The following TMEM163 variants were observed in gnomAD, a reference collection of about 807,000 sequenced individuals.
The protein encoded by TMEM163 is transmembrane protein 163.
A neutral mutation model predicts 29.3 loss-of-function variants in TMEM163; 17 were observed. That is an observed-to-expected ratio of 0.58 (90% CI 0.40 to 0.87). The LOEUF (loss-of-function observed/expected upper bound fraction) is 0.87, where lower values mean the gene tolerates loss of function less well. Ranked by LOEUF, TMEM163 falls within the 40% of genes least tolerant of loss-of-function variation. The pLI is 0.00. For synonymous variants in TMEM163, 157 were observed against 160.6 expected (o/e 0.98, Z 0.17); for missense variants, 303 against 381.5 (o/e 0.79, Z 1.71).
chr2:134,610,465 G>T (rs955728049), intron 2 of TMEM163, among the ~76,000 whole-genome samples: 1 of 152,174 alleles, frequency 6.6e-6, no homozygotes, highest in African/African-American at 2.4e-5. Flanking sequence ...TAGTGGTCTG[G>T]GGGGAGGTCT....
chr2:134,581,159 T>C (rs1247793234), intron 2 of TMEM163, among the ~76,000 whole-genome samples: 3 of 152,206 alleles, frequency 2.0e-5, no homozygotes, highest in Non-Finnish European at 4.4e-5. Context: ...AAAGGATTTG[T>C]AGTCCAATAT....
Position 134,456,694 on chromosome 2 carries a change from C to T in TMEM163, c.*22G>A. ...TGTGGAAACTCCTCATCTCGATGGT[C>T]TCATGCGGATGCTGGCCCCCTTCAC... On this transcript the variant is annotated 3_prime_UTR_variant, in exon 8 of 8. Coordinates refer to ENST00000281924, the MANE Select transcript of TMEM163 (RefSeq NM_030923.5). 1 of 1,613,724 alleles carries T rather than the reference C, an allele frequency of 6.2e-7. No homozygotes were observed. Among genetic ancestry groups the T allele is most frequent in the Non-Finnish European group, 8.5e-7 (1 of 1,179,884 alleles).
chr2:134,528,985 G>A (rs966302747), intron 4 of TMEM163, among the ~76,000 whole-genome samples: 1 of 152,144 alleles, frequency 6.6e-6, no homozygotes, highest in Non-Finnish European at 1.5e-5. Context: ...AAAGTGGGGG[G>A]AAAAGCAGGA....
intron 4 of TMEM163, among the ~76,000 whole-genome samples, chr2:134,550,310 G>C (rs547141167): frequency 6.6e-6 from 1 of 152,304 alleles, no homozygotes; most frequent in East Asian, 1.9e-4. Context: ...GGATGGATGA[G>C]CGGATGGATA....
chr2:134,546,941 A>G (rs1001232419), intron 4 of TMEM163, among the ~76,000 whole-genome samples: 5 of 152,250 alleles, frequency 3.3e-5, no homozygotes, highest in Admixed American at 6.5e-5. Flanking sequence ...AGTCACAAAA[A>G]AGACAAATAC....
intron 5 of TMEM163, among the ~76,000 whole-genome samples, chr2:134,475,758 A>C (rs190743012): frequency 6.6e-6 from 1 of 152,298 alleles, no homozygotes; most frequent in East Asian, 1.9e-4. Flanking sequence ...AACAGGGAAA[A>C]GTACATGGAA....
chr2:134,648,948 A>G (rs1683401556), intron 2 of TMEM163, among the ~76,000 whole-genome samples: 1 of 152,204 alleles, frequency 6.6e-6, no homozygotes, highest in African/African-American at 2.4e-5. Context: ...CTGAAGAATC[A>G]TTTTGACTAC....
At position 134,552,462 on chromosome 2, in the gene TMEM163, G is replaced by A. The variant is rs1013802729; in HGVS notation, c.323-371C>T. ...CAAACTGTTCCCATAATAAGGTGGT[G>A]TGGCTAAGTAAGGCATACACCATTG... On this transcript the variant is annotated intron_variant, in intron 2 of 7. Coordinates refer to ENST00000281924, the MANE Select transcript of TMEM163 (RefSeq NM_030923.5). 3.9e-5 allele frequency among the ~76,000 whole-genome samples: 6 copies of A among 152,202 alleles called. No individual in the cohort carries two copies. In the South Asian group the frequency reaches 6.2e-4, roughly 16 times the overall value.
chr2:134,456,525 A>G lies in TMEM163; in HGVS notation c.*191T>C. On this transcript the variant is annotated 3_prime_UTR_variant, in exon 8 of 8. Coordinates refer to ENST00000281924, the MANE Select transcript of TMEM163 (RefSeq NM_030923.5). ...GTCCATTCCTATGGGCATTGTCCCAACATGTTTGATGGGGGCGGCAGGTGA... is the reference window on the plus strand; with the variant it reads ...GTCCATTCCTATGGGCATTGTCCCAGCATGTTTGATGGGGGCGGCAGGTGA... The G allele has an allele frequency of 1.5e-6, 1 of 646,482 alleles. No individual in the cohort carries two copies. Among genetic ancestry groups the G allele is most frequent in the Non-Finnish European group, 2.7e-6 (1 of 365,342 alleles). 40.0% of individuals were successfully genotyped at this position (646,482 alleles called of 1,614,324 possible). A position where few individuals can be genotyped will look rare whatever the true frequency, so the allele number is the denominator to read the frequency against.
chr2:134,703,518 G>A (rs1053290737), intron 2 of TMEM163, among the ~76,000 whole-genome samples: 1 of 152,120 alleles, frequency 6.6e-6, no homozygotes, highest in Non-Finnish European at 1.5e-5. Context: ...GGCTCTAGGA[G>A]GAGGATTTAC....
Position 134,651,331 on chromosome 2 carries a change from A to T in TMEM163, c.322+61869T>A, listed in dbSNP as rs1302409049. 2.8e-5 allele frequency among the ~76,000 whole-genome samples: 4 copies of T among 141,864 alleles called. 1 individual carries two copies. Among genetic ancestry groups the T allele is most frequent in the Non-Finnish European group, 6.0e-5 (4 of 66,950 alleles). The allele number at this position is 141,864 out of a possible 152,430, so 93.1% of individuals were successfully genotyped here. ...ATTTTTTCATGTGTTTCTTGGCTGC[A>T]TAAATGTCTTCCTTTAAGAAGTGTC... is the stretch of plus-strand genomic sequence containing the variant. On this transcript the variant is annotated intron_variant, in intron 2 of 7. Coordinates refer to ENST00000281924, the MANE Select transcript of TMEM163 (RefSeq NM_030923.5).
intron 5 of TMEM163, among the ~76,000 whole-genome samples, chr2:134,484,259 C>T (rs187083254): frequency 2.0e-5 from 3 of 152,004 alleles, no homozygotes; most frequent in African/African-American, 4.8e-5. Context: ...AGGCGAATAA[C>T]GAAATTCTCA....
At chr2:134,689,806 T>C (rs1406031449) in intron 2 of TMEM163, among the ~76,000 whole-genome samples, 2 of 152,228 alleles carry the variant, frequency 1.3e-5, no homozygotes, top group Non-Finnish European at 2.9e-5. Context: ...ACATTTTAAC[T>C]TTATTTCAAA....
intron 1 of TMEM163, among the ~76,000 whole-genome samples, chr2:134,716,681 A>G (rs1685043896): frequency 6.6e-6 from 1 of 152,198 alleles, no homozygotes; most frequent in Non-Finnish European, 1.5e-5. Flanking sequence ...GCTGCACTCA[A>G]CCCATTCCCA....
intron 5 of TMEM163, chr2:134,466,521 CA>C (rs796785885): frequency 1.6e-5 from 5 of 311,626 alleles, no homozygotes; most frequent in African/African-American, 1.1e-4. Flanking sequence ...AGTCATAGAT[CA>C]ATAACAGAGT....
chr2:134,463,046 A>T (rs965619516), intron 6 of TMEM163, among the ~76,000 whole-genome samples: 2 of 152,200 alleles, frequency 1.3e-5, no homozygotes, highest in African/African-American at 4.8e-5. Context: ...CACCACTGGG[A>T]GCCCACAAAG....
intron 2 of TMEM163, among the ~76,000 whole-genome samples, chr2:134,592,652 C>T (rs1368728497): frequency 6.6e-6 from 1 of 151,990 alleles, no homozygotes. Context: ...CTCTGGGGTC[C>T]CCTTAGCCCA....
chr2:134,628,144 CT>C (rs1682892747), intron 2 of TMEM163, among the ~76,000 whole-genome samples: 1 of 152,198 alleles, frequency 6.6e-6, no homozygotes. Context: ...CTATAAGAAT[CT>C]TTGAGTCAAC....
chr2:134,652,142 G>C (rs1283653367), intron 2 of TMEM163, among the ~76,000 whole-genome samples: 1 of 132,872 alleles, frequency 7.5e-6, no homozygotes, highest in Non-Finnish European at 1.6e-5. Flanking sequence ...GGGCAGTATG[G>C]CCATTTTCAC....
Sources: allele counts gnomAD v4.1 joint callset (sites outside exome capture counted in the v4.1 genomes callset), GRCh38; gene constraint gnomAD v4.1.1; transcripts MANE v1.5; gene names NCBI Gene and HGNC (gene_info 2026-07-23, HGNC 2026-07-21).